Variants in MAP2 observed in about 807,000 individuals in gnomAD.
MAP2 encodes the protein microtubule-associated protein 2.
A neutral mutation model predicts 137.6 loss-of-function variants in MAP2; 14 were observed. The ratio of observed to expected loss-of-function variants is 0.10; its 90% CI spans 0.07 to 0.16. The LOEUF is 0.16. Among genes scored for constraint, MAP2 ranks in the 10% least tolerant of loss-of-function variants. The pLI is 1.00. For synonymous variants in MAP2, 786 were observed against 782.3 expected (o/e 1.00, Z -0.08); for missense variants, 2,088 against 2,191.5 (o/e 0.95, Z 0.94).
At chr2:209,425,484 CAAA>C (rs778019281) in intron 1 of MAP2, among the ~76,000 whole-genome samples, 22 of 151,904 alleles carry the variant, frequency 1.4e-4, no homozygotes, top group Middle Eastern at 3.4e-3. Context: ...TAGTGCAAAA[CAAA>C]AAAATATTGT....
At chr2:209,494,577 C>G (rs953342418) in intron 1 of MAP2, among the ~76,000 whole-genome samples, 1 of 152,050 alleles carries the variant, frequency 6.6e-6, no homozygotes, top group African/African-American at 2.4e-5. Context: ...CCTGTATGGT[C>G]TAAAAAGGTG....
intron 3 of MAP2, among the ~76,000 whole-genome samples, chr2:209,609,110 T>G (rs973872587): frequency 6.6e-6 from 1 of 152,078 alleles, no homozygotes. Flanking sequence ...GTTTCATGTA[T>G]TTTTAAATAA....
intron 1 of MAP2, among the ~76,000 whole-genome samples, chr2:209,471,368 A>T (rs1195701760): frequency 6.6e-6 from 1 of 152,164 alleles, no homozygotes; most frequent in Non-Finnish European, 1.5e-5. Flanking sequence ...CCTTTTGAGA[A>T]TGGGAACTGG....
At chr2:209,503,229 G>A (rs572002505) in intron 1 of MAP2, among the ~76,000 whole-genome samples, 1 of 151,902 alleles carries the variant, frequency 6.6e-6, no homozygotes, top group Non-Finnish European at 1.5e-5. Flanking sequence ...TCAAACTCCT[G>A]GACTCAAGCA....
Position 209,693,025 on chromosome 2 carries a change from T to C in MAP2, c.855T>C (p.Ser285=), listed in dbSNP as rs779048151. Reference sequence around the variant, plus strand: ...AGTGGGGTTTAGTTGCCCCCATATCTCCTGGCCCTCTGACTCCCATGAGGG... The same window carrying C: ...AGTGGGGTTTAGTTGCCCCCATATCCCCTGGCCCTCTGACTCCCATGAGGG... ...KDEWGLVAPI[S]PGPLTPMREK... Residue 285 remains serine, a synonymous_variant, in exon 8 of 16, where the codon TCT becomes TCC. Coordinates refer to ENST00000682079, the MANE Select transcript of MAP2 (RefSeq NM_001375505.1). 1 of 1,612,352 alleles carries C rather than the reference T, an allele frequency of 6.2e-7. No homozygotes were observed. Among genetic ancestry groups the C allele is most frequent in the East Asian group, 2.2e-5 (1 of 44,852 alleles).
intron 1 of MAP2, among the ~76,000 whole-genome samples, chr2:209,444,047 A>G (rs917834018): frequency 1.3e-5 from 2 of 151,598 alleles, no homozygotes; most frequent in East Asian, 1.9e-4. Flanking sequence ...TTTTGTTTCA[A>G]TTTTAGAGAT....
intron 2 of MAP2, among the ~76,000 whole-genome samples, chr2:209,574,904 A>G (rs1335319134): frequency 6.6e-6 from 1 of 152,216 alleles, no homozygotes; most frequent in African/African-American, 2.4e-5. Context: ...GGAAAGCATA[A>G]GTATTATTTC....
chr2:209,569,841 C>T (rs1337407069), intron 2 of MAP2, among the ~76,000 whole-genome samples: 1 of 151,722 alleles, frequency 6.6e-6, no homozygotes, highest in Admixed American at 6.6e-5. Context: ...ACGTACTTTA[C>T]TATTATCATC....
intron 11 of MAP2, among the ~76,000 whole-genome samples, chr2:209,703,100 T>C (rs2062253603): frequency 6.6e-6 from 1 of 152,132 alleles, no homozygotes; most frequent in Non-Finnish European, 1.5e-5. Flanking sequence ...GTCGTGATTT[T>C]TATTGGCCAT....
At chr2:209,717,457 A>G (rs1158993494) in intron 13 of MAP2, among the ~76,000 whole-genome samples, 1 of 152,124 alleles carries the variant, frequency 6.6e-6, no homozygotes, top group Non-Finnish European at 1.5e-5. Context: ...CACAAATCCA[A>G]ATCATATTGT....
intron 3 of MAP2, among the ~76,000 whole-genome samples, chr2:209,612,634 C>G (rs572075973): frequency 6.6e-6 from 1 of 152,136 alleles, no homozygotes; most frequent in Non-Finnish European, 1.5e-5. Context: ...CAGCCAGCAG[C>G]TATAGCAAGT....
Position 209,662,973 on chromosome 2 carries a change from C to CAT in MAP2, c.262+9550_262+9551dup, listed in dbSNP as rs1206961565. On this transcript the variant is annotated intron_variant, in intron 5 of 15. Transcript: ENST00000682079. ...TGTGAGATATATATATATATACACA[C>CAT]ATATATATATTCTTTGATTATATTA... Among the ~76,000 whole-genome samples, 7 of 152,056 alleles carry CAT rather than the reference C, an allele frequency of 4.6e-5. No homozygotes were observed. In the South Asian group the frequency reaches 8.3e-4, roughly 18 times the overall value.
intron 3 of MAP2, among the ~76,000 whole-genome samples, chr2:209,607,736 G>C (rs2153477119): frequency 6.6e-6 from 1 of 152,302 alleles, no homozygotes; most frequent in East Asian, 1.9e-4. Context: ...TGCCCGGCCT[G>C]AATATTAATA....
At chr2:209,441,071 T>A (rs1697640692) in intron 1 of MAP2, among the ~76,000 whole-genome samples, 1 of 151,584 alleles carries the variant, frequency 6.6e-6, no homozygotes, top group African/African-American at 2.4e-5. Context: ...ATAAAAATGA[T>A]GATTCTAATG....
chr2:209,432,146 A>G (rs1297310943), intron 1 of MAP2, among the ~76,000 whole-genome samples: 2 of 152,132 alleles, frequency 1.3e-5, no homozygotes, highest in Non-Finnish European at 2.9e-5. Flanking sequence ...CTTTTTTCTC[A>G]TCTGTAATGC....
At chr2:209,435,708 GA>G (rs1695758104) in intron 1 of MAP2, among the ~76,000 whole-genome samples, 1 of 151,346 alleles carries the variant, frequency 6.6e-6, no homozygotes, top group Non-Finnish European at 1.5e-5. Flanking sequence ...GTGTAGCATA[GA>G]GACATCAAAC....
At chr2:209,725,853 A>G in intron 14 of MAP2, 63 bp downstream of exon 14, 1 of 1,130,594 alleles carries the variant, frequency 8.8e-7, no homozygotes, top group Non-Finnish European at 1.2e-6. Context: ...GGGATGAGAA[A>G]ATTTTTTGTT....
At chr2:209,708,837 C>T (rs1388277573) in intron 12 of MAP2, among the ~76,000 whole-genome samples, 14 of 152,190 alleles carry the variant, frequency 9.2e-5, no homozygotes, top group Middle Eastern at 3.4e-3. Context: ...ACGTTAGTAG[C>T]ATCTGGGTGA....
intron 1 of MAP2, among the ~76,000 whole-genome samples, chr2:209,448,952 C>A (rs1195193077): frequency 1.3e-5 from 2 of 152,140 alleles, no homozygotes; most frequent in African/African-American, 4.8e-5. Context: ...GTACTTATGG[C>A]CACAGTTTTT....
Sources: gnomAD v4.1 joint callset for allele counts (sites outside exome capture counted in the v4.1 genomes callset) on GRCh38, gnomAD v4.1.1 for gene constraint, MANE v1.5 for transcripts, NCBI Gene and HGNC (gene_info 2026-07-23, HGNC 2026-07-21) for gene names.